UBASH3B: variants seen among roughly 807,000 people sequenced by gnomAD.
UBASH3B encodes the protein ubiquitin-associated and SH3 domain-containing protein B.
UBASH3B carries 37 observed loss-of-function variants against 83.4 expected under a neutral mutation model. That is an observed-to-expected ratio of 0.44 (90% confidence interval 0.34 to 0.58). UBASH3B has a LOEUF of 0.58. Ranked by LOEUF, UBASH3B falls within the 20% of genes least tolerant of loss-of-function variation. The pLI is 0.01. For synonymous variants in UBASH3B, 304 were observed against 318.3 expected, an observed-to-expected ratio of 0.96 and a Z score of 0.48; for missense variants, 657 against 827.2, an observed-to-expected ratio of 0.79 and a Z score of 2.52.
intron 1 of UBASH3B, among the ~76,000 whole-genome samples, chr11:122,771,274 C>T (rs1003794474): frequency 6.6e-6 from 1 of 151,754 alleles, no homozygotes; most frequent in Non-Finnish European, 1.5e-5. Flanking sequence ...CTCTTGTCAC[C>T]CAGGGTGGAG....
At chr11:122,740,714 G>A (rs1591793996) in intron 1 of UBASH3B, among the ~76,000 whole-genome samples, 1 of 152,134 alleles carries the variant, frequency 6.6e-6, no homozygotes, top group East Asian at 1.9e-4. Flanking sequence ...CAGGCCATCT[G>A]TGTACATGTG....
intron 11 of UBASH3B, among the ~76,000 whole-genome samples, chr11:122,802,659 G>GTGC (rs954760663): frequency 6.6e-5 from 10 of 152,120 alleles, no homozygotes; most frequent in East Asian, 3.9e-4. Flanking sequence ...AACTAGTTAT[G>GTGC]TGCTGCTGCT....
chr11:122,661,889 C>A (rs374513960), intron 1 of UBASH3B, among the ~76,000 whole-genome samples: 2,214 of 148,460 alleles, frequency 0.015, 55 homozygotes, highest in African/African-American at 0.051. Context: ...AAAAAAATAC[C>A]TTGATATGCT....
chr11:122,666,707 G>A (rs1392990320), intron 1 of UBASH3B, among the ~76,000 whole-genome samples: 1 of 152,046 alleles, frequency 6.6e-6, no homozygotes, highest in East Asian at 1.9e-4. Context: ...ATGAGCCACC[G>A]CGCCCAGCTG....
intron 1 of UBASH3B, among the ~76,000 whole-genome samples, chr11:122,683,604 C>CA (rs35467373): frequency 0.22 from 7,996 of 36,602 alleles, 336 homozygotes; most frequent in Middle Eastern, 0.24. Flanking sequence ...GACTCCTTCT[C>CA]AAAAAAAAAA....
intron 10 of UBASH3B, among the ~76,000 whole-genome samples, chr11:122,799,316 C>T (rs1022851875): frequency 8.6e-5 from 13 of 152,026 alleles, no homozygotes; most frequent in Non-Finnish European, 1.3e-4. Context: ...GGAGAAACCC[C>T]GTCTCTAGTA....
chr11:122,788,977 G>A, intron 5 of UBASH3B, 123 bp from the exon 6 acceptor site: 4 of 850,240 alleles, frequency 4.7e-6, no homozygotes, highest in Non-Finnish European at 7.6e-6. Context: ...AGACCCCAAG[G>A]GCTCCTGGGC....
chr11:122,699,525 T>TTC lies in UBASH3B; in HGVS notation c.161+43317_161+43318dup, dbSNP rs1275933949. Among the ~76,000 whole-genome samples, 39 of 106,150 alleles carry TTC rather than the reference T, an allele frequency of 3.7e-4. No individual in the cohort carries two copies. The South Asian group carries it at 3.7e-3, about 10-fold the overall frequency. The allele number at this position is 106,150 out of a possible 152,430, so 69.6% of individuals were successfully genotyped here. ...TCTTTCTTTCTTTCTTTCTCTTTCT[T>TTC]TCTTTCTCTTTCTTTCTTTCTTTCT... On this transcript the variant is annotated intron_variant, in intron 1 of 13. Transcript: ENST00000284273.
At chr11:122,766,714 G>T (rs1226872656) in intron 1 of UBASH3B, among the ~76,000 whole-genome samples, 1 of 152,228 alleles carries the variant, frequency 6.6e-6, no homozygotes, top group Admixed American at 6.5e-5. Context: ...CTGAACTCCA[G>T]CCTGGGTGAC....
rs534571971 is a variant in UBASH3B, at chr11:122,796,914, G to T, written c.1238G>T (p.Arg413Leu). The T allele has an allele frequency of 6.2e-7, 1 of 1,614,048 alleles. No homozygotes were observed. The highest frequency in any genetic ancestry group is 1.1e-5 in the South Asian group (1 of 91,076). Reference protein sequence around the residue: ...WLSQCFDAKGRYIRTNLNMPH... With the variant: ...WLSQCFDAKGLYIRTNLNMPH... ...GTCTAACCTCTTTGTTTTTCAGGCC[G>T]CTACATACGCACCAACCTGAACATG... Residue 413 changes from arginine to leucine, a missense_variant, in exon 9 of 14, where the codon CGC becomes CTC. Transcript: ENST00000284273.
At chr11:122,677,053 C>T (rs891576673) in intron 1 of UBASH3B, among the ~76,000 whole-genome samples, 1 of 152,100 alleles carries the variant, frequency 6.6e-6, no homozygotes, top group African/African-American at 2.4e-5. Flanking sequence ...TTGTTTCAAC[C>T]AATTGCAAAT....
intron 12 of UBASH3B, among the ~76,000 whole-genome samples, chr11:122,807,193 A>G (rs1228990230): frequency 2.0e-5 from 3 of 152,230 alleles, no homozygotes; most frequent in Admixed American, 2.0e-4. Context: ...TCTATCAACC[A>G]GGAAGTCTCA....
rs139783999 is a variant in UBASH3B at position 122,784,836 on chromosome 11, T to C, written c.771+1614T>C. ...CTGATGGGAACGTGATGTCCTCCTT[T>C]TGAGTCATTTGATGCAGGTTTCTGT... On this transcript the variant is annotated intron_variant, in intron 5 of 13. Transcript: ENST00000284273. Among the ~76,000 whole-genome samples the C allele has an allele frequency of 9.4e-4, 143 of 152,250 alleles. 1 individual carries two copies. Among genetic ancestry groups the C allele is most frequent in the African/African-American group, 3.1e-3 (130 of 41,546 alleles).
intron 1 of UBASH3B, among the ~76,000 whole-genome samples, chr11:122,741,051 G>A (rs1338043249): frequency 6.6e-6 from 1 of 152,124 alleles, no homozygotes; most frequent in African/African-American, 2.4e-5. Flanking sequence ...CTCAAGGTAA[G>A]CCCCAATTAC....
At chr11:122,711,134 T>C (rs1864185370) in intron 1 of UBASH3B, among the ~76,000 whole-genome samples, 1 of 152,136 alleles carries the variant, frequency 6.6e-6, no homozygotes, top group Non-Finnish European at 1.5e-5. Flanking sequence ...AGGCAGAATC[T>C]CCTCAGTTAA....
At chr11:122,744,273 G>T (rs1192547952) in intron 1 of UBASH3B, among the ~76,000 whole-genome samples, 1 of 152,162 alleles carries the variant, frequency 6.6e-6, no homozygotes, top group Non-Finnish European at 1.5e-5. Context: ...GTGTGAGCCT[G>T]TGTGCGCACA....
chr11:122,804,284 G>A (rs118023257), intron 11 of UBASH3B, among the ~76,000 whole-genome samples: 103 of 152,230 alleles, frequency 6.8e-4, no homozygotes, highest in Admixed American at 1.4e-3. Flanking sequence ...CCAACAAGTG[G>A]TGATTCAGGT....
intron 1 of UBASH3B, among the ~76,000 whole-genome samples, chr11:122,704,860 G>T (rs968700442): frequency 2.0e-5 from 3 of 151,906 alleles, no homozygotes; most frequent in Non-Finnish European, 2.9e-5. Flanking sequence ...TTTAAGGGCC[G>T]CACTTTCTCG....
chr11:122,797,107 C>A, intron 9 of UBASH3B, 74 bp downstream of exon 9: 1 of 1,501,734 alleles, frequency 6.7e-7, no homozygotes, highest in Non-Finnish European at 8.9e-7. Flanking sequence ...CATGGATATG[C>A]AAGACACTTC....
Sources: gnomAD v4.1 joint callset for allele counts (sites outside exome capture counted in the v4.1 genomes callset) on GRCh38, gnomAD v4.1.1 for gene constraint, MANE v1.5 for transcripts, NCBI Gene and HGNC (gene_info 2026-07-23, HGNC 2026-07-21) for gene names.